Variants in PLAGL1 observed in about 807,000 individuals in gnomAD.
The protein encoded by PLAGL1 is zinc finger protein PLAGL1.
PLAGL1 carries 1 observed loss-of-function variant against 4.6 expected under a neutral mutation model. The ratio of observed to expected loss-of-function variants is 0.22; its 90% CI spans 0.08 to 1.03. PLAGL1 has a LOEUF of 1.03. PLAGL1 is among the 50% of genes least tolerant of loss of function. The pLI, the probability that PLAGL1 is intolerant of heterozygous loss-of-function variation, is 0.58. For missense variants in PLAGL1, 464 were observed against 570.4 expected (o/e 0.81, Z 1.90); for synonymous variants, 240 against 237.8 (o/e 1.01, Z -0.08).
In PLAGL1 at chr6:144,049,744, G is replaced by A. The variant is rs562195531; in HGVS notation, c.-151+14724C>T. Reference sequence around the variant, plus strand: ...TACAATTTCAAGATGAGATTTGGGTGGGGACACAAAGCCTAATTATGTCAC... The same window carrying A: ...TACAATTTCAAGATGAGATTTGGGTAGGGACACAAAGCCTAATTATGTCAC... On this transcript the variant is annotated intron_variant, in intron 1 of 3. Transcript: ENST00000437412. Among the ~76,000 whole-genome samples, 10 of 152,304 alleles carry A rather than the reference G, an allele frequency of 6.6e-5. No individual in the cohort carries two copies. In the South Asian group the frequency reaches 1.9e-3, roughly 28 times the overall value.
At chr6:143,988,892 A>G (rs1371811291) in intron 1 of PLAGL1, among the ~76,000 whole-genome samples, 1 of 152,084 alleles carries the variant, frequency 6.6e-6, no homozygotes, top group Non-Finnish European at 1.5e-5. Flanking sequence ...TTCAAATACC[A>G]TTTCATTAGG....
chr6:144,016,112 A>G lies in PLAGL1; in HGVS notation c.-150-47134T>C, dbSNP rs192677327. Among the ~76,000 whole-genome samples the G allele has an allele frequency of 1.0e-3, 151 of 151,482 alleles. 1 individual carries two copies. Among genetic ancestry groups the G allele is most frequent in the African/African-American group, 3.4e-3 (142 of 41,390 alleles). On this transcript the variant is annotated intron_variant, in intron 1 of 3. Coordinates refer to the PLAGL1 transcript ENST00000437412. The surrounding 1 kb of genome is among the most constrained non-coding windows in gnomAD (Gnocchi z 4.2). ...ACTAATAAGAGATATACATATGTGT[A>G]TATATATATATACACACACATATAC...
intron 1 of PLAGL1, among the ~76,000 whole-genome samples, chr6:144,003,543 G>A (rs1793424877): frequency 1.3e-5 from 2 of 149,796 alleles, no homozygotes; most frequent in Non-Finnish European, 3.0e-5. Context: ...AGAATGGCAT[G>A]AACCTGGGAG....
chr6:144,045,063 G>A (rs1042266014), intron 1 of PLAGL1, among the ~76,000 whole-genome samples: 1 of 81,830 alleles, frequency 1.2e-5, no homozygotes, highest in Non-Finnish European at 2.2e-5. Context: ...CCTTTATTTT[G>A]AGCCTATGTG....
rs1169416618 is a variant in PLAGL1 at position 143,945,112 on chromosome 6, C to T, written c.153-2449G>A. Among the ~76,000 whole-genome samples, 4 of 152,192 alleles carry T rather than the reference C, an allele frequency of 2.6e-5. No homozygotes were observed. Among genetic ancestry groups the T allele is most frequent in the African/African-American group, 2.4e-5 (1 of 41,452 alleles). ...CCTTGCCTGGCATCTACTTCTTTCC[C>T]TTTTAATTTATCCCTTACTTACTCA... On this transcript the variant is annotated intron_variant, in intron 7 of 7. Transcript: ENST00000674357. The surrounding 1 kb of genome is among the most constrained non-coding windows in gnomAD (Gnocchi z 4.2).
chr6:144,018,333 C>A (rs1052305940), intron 1 of PLAGL1, among the ~76,000 whole-genome samples: 3 of 152,026 alleles, frequency 2.0e-5, no homozygotes, highest in Non-Finnish European at 4.4e-5. Flanking sequence ...AAGTGAAACT[C>A]ATAGAAGTAG....
rs953718701 is a variant in PLAGL1 at position 144,063,859 on chromosome 6, C to T, written c.-151+609G>A. ...CTCTCGAAATTATCCCGCGCGCCGC[C>T]GGTAATCCGGGGTGACGCCACGGCC... is the stretch of plus-strand genomic sequence containing the variant. On this transcript the variant is annotated intron_variant, in intron 1 of 3. Transcript: ENST00000437412. This position sits in a 1 kb window ranked among gnomAD's most constrained non-coding sequence, Gnocchi z 5.7. Among the ~76,000 whole-genome samples, 3 of 152,164 alleles carry T rather than the reference C, an allele frequency of 2.0e-5. No homozygotes were observed. The highest frequency in any genetic ancestry group is 7.2e-5 in the African/African-American group (3 of 41,440).
In PLAGL1 at chr6:143,978,106, T is replaced by C. The variant is rs1165147221; in HGVS notation, c.-544+7029A>G. ...CCTGGCTAGAGATTTATCATTTTACTGATCTTTTCAAAGAACCAGCTTTTT... is the reference window on the plus strand; with the variant it reads ...CCTGGCTAGAGATTTATCATTTTACCGATCTTTTCAAAGAACCAGCTTTTT... On this transcript the variant is annotated intron_variant, in intron 2 of 7. Coordinates refer to ENST00000674357, the MANE Select transcript of PLAGL1 (RefSeq NM_001317162.2). The surrounding 1 kb of genome is among the most constrained non-coding windows in gnomAD (Gnocchi z 4.6). Among the ~76,000 whole-genome samples the C allele has an allele frequency of 6.6e-6, 1 of 152,230 alleles. No homozygotes were observed. The highest frequency in any genetic ancestry group is 2.4e-5 in the African/African-American group (1 of 41,456).
At position 143,941,897 on chromosome 6, in the gene PLAGL1, A is replaced by G. The variant is rs1206995814; in HGVS notation, c.919T>C (p.Ser307Pro). ...CTTGCAAGTGGGGAGTATGAGGTAG[A>G]AGTGGTGTTGTACTTGTGATTGGGA... ...PLPNHKYNTT[S>P]TSYSPLASLP... Residue 307 changes from serine to proline, a missense_variant, in exon 8 of 8, where the codon TCT becomes CCT. Ser to Pro is a moderately conservative substitution (Grantham distance 74, BLOSUM62 -1). Coordinates refer to ENST00000674357, the MANE Select transcript of PLAGL1 (RefSeq NM_001317162.2). The surrounding 1 kb of genome is among the most constrained non-coding windows in gnomAD (Gnocchi z 6.0). 3 of 1,613,868 alleles carry G rather than the reference A, an allele frequency of 1.9e-6. No individual in the cohort carries two copies.
chr6:143,952,362 G>C lies in PLAGL1; in HGVS notation c.-324-3902C>G, dbSNP rs1036664898. On this transcript the variant is annotated intron_variant, in intron 6 of 7. Transcript: ENST00000674357. This position sits in a 1 kb window ranked among gnomAD's most constrained non-coding sequence, Gnocchi z 6.1. ...GTGACTTGACATAGAAATTGCATTT[G>C]AGTCTTAAATACGGTGCTATTTCAA... Among the ~76,000 whole-genome samples the C allele has an allele frequency of 6.6e-6, 1 of 152,188 alleles. No homozygotes were observed. The highest frequency in any genetic ancestry group is 2.4e-5 in the African/African-American group (1 of 41,430).
In PLAGL1 at chr6:143,985,566, A is replaced by G. The variant is rs1788827443; in HGVS notation, c.-583-392T>C. ...GACCCATTGCACATCTATTTTTAACACTAAAATAATAACAGCCATTTACAA... is the reference window on the plus strand; with the variant it reads ...GACCCATTGCACATCTATTTTTAACGCTAAAATAATAACAGCCATTTACAA... On this transcript the variant is annotated intron_variant, in intron 1 of 7. Coordinates refer to ENST00000674357, the MANE Select transcript of PLAGL1 (RefSeq NM_001317162.2). The surrounding 1 kb of genome is among the most constrained non-coding windows in gnomAD (Gnocchi z 4.4). 6.6e-6 allele frequency among the ~76,000 whole-genome samples: 1 copy of G among 152,148 alleles called. No individual in the cohort carries two copies. Among genetic ancestry groups the G allele is most frequent in the African/African-American group, 2.4e-5 (1 of 41,434 alleles).
chr6:143,946,478 C>T (rs895771792), intron 7 of PLAGL1, among the ~76,000 whole-genome samples: 2 of 152,216 alleles, frequency 1.3e-5, no homozygotes, highest in African/African-American at 4.8e-5. Flanking sequence ...GATCAGCATT[C>T]AATACTTCTA....
intron 1 of PLAGL1, among the ~76,000 whole-genome samples, chr6:143,991,488 C>T (rs150341605): frequency 9.9e-5 from 15 of 152,158 alleles, no homozygotes; most frequent in Non-Finnish European, 2.2e-4. Flanking sequence ...GCATGAGGTG[C>T]GGAACAGAGT....
At position 144,050,805 on chromosome 6, in the gene PLAGL1, C is replaced by T. The variant is rs1007854349; in HGVS notation, c.-151+13663G>A. On this transcript the variant is annotated intron_variant, in intron 1 of 3. Transcript: ENST00000437412. This position sits in a 1 kb window ranked among gnomAD's most constrained non-coding sequence, Gnocchi z 4.3. Reference sequence around the variant, plus strand: ...CCAGCTACTCAAGAGGCTGAGGTGGCAGGATCACTTGAGTCTGTGAGTTTC... The same window carrying T: ...CCAGCTACTCAAGAGGCTGAGGTGGTAGGATCACTTGAGTCTGTGAGTTTC... Among the ~76,000 whole-genome samples, 20 of 152,236 alleles carry T rather than the reference C, an allele frequency of 1.3e-4. No homozygotes were observed. Among genetic ancestry groups the T allele is most frequent in the Admixed American group, 1.3e-3 (20 of 15,282 alleles).
upstream of PLAGL1, among the ~76,000 whole-genome samples, chr6:144,011,844 A>T (rs184139352): frequency 6.6e-6 from 1 of 152,292 alleles, no homozygotes; most frequent in Non-Finnish European, 1.5e-5. The surrounding 1 kb of genome is among the most constrained non-coding windows in gnomAD (Gnocchi z 4.3). Context: ...TCAGAGTTTC[A>T]GTTCATTTGC....
chr6:143,973,951 G>A lies in PLAGL1; in HGVS notation c.-543-4973C>T, dbSNP rs969402339. On this transcript the variant is annotated intron_variant, in intron 2 of 7. Transcript: ENST00000674357. This position sits in a 1 kb window ranked among gnomAD's most constrained non-coding sequence, Gnocchi z 6.2. ...CAAAAGTGTGAACAGAGATATAACA[G>A]GTTTTTTTGGATCCAGGTAATCACC... Among the ~76,000 whole-genome samples the A allele has an allele frequency of 2.6e-5, 4 of 152,198 alleles. No individual in the cohort carries two copies. The highest frequency in any genetic ancestry group is 5.9e-5 in the Non-Finnish European group (4 of 68,028).
At position 144,000,483 on chromosome 6, in the gene PLAGL1, C is replaced by G. The variant is rs1485888243; in HGVS notation, c.-584+7607G>C. On this transcript the variant is annotated intron_variant, in intron 1 of 7. Transcript: ENST00000674357. The surrounding 1 kb of genome is among the most constrained non-coding windows in gnomAD (Gnocchi z 4.1). ...AGAAATAAATGTAACAAAATATGTA[C>G]AAGTCCTTTATTTATATCATATCAT... Among the ~76,000 whole-genome samples the G allele has an allele frequency of 6.6e-6, 1 of 151,984 alleles. No individual in the cohort carries two copies. Among genetic ancestry groups the G allele is most frequent in the Non-Finnish European group, 1.5e-5 (1 of 67,934 alleles).
At position 143,979,853 on chromosome 6, in the gene PLAGL1, A is replaced by G. The variant is rs1787519909; in HGVS notation, c.-544+5282T>C. On this transcript the variant is annotated intron_variant, in intron 2 of 7. Coordinates refer to ENST00000674357, the MANE Select transcript of PLAGL1 (RefSeq NM_001317162.2). The surrounding 1 kb of genome is among the most constrained non-coding windows in gnomAD (Gnocchi z 4.6). ...TTTAAAAAAAAAGATTTCCTTTAGT[A>G]TTTCTTACACTGTGGGTCTACTGGT... 6.6e-6 allele frequency among the ~76,000 whole-genome samples: 1 copy of G among 152,032 alleles called. No homozygotes were observed. Among genetic ancestry groups the G allele is most frequent in the African/African-American group, 2.4e-5 (1 of 41,420 alleles).
Position 143,985,608 on chromosome 6 carries a change from T to G in PLAGL1, c.-583-434A>C, listed in dbSNP as rs1248083910. On this transcript the variant is annotated intron_variant, in intron 1 of 7. Coordinates refer to ENST00000674357, the MANE Select transcript of PLAGL1 (RefSeq NM_001317162.2). The surrounding 1 kb of genome is among the most constrained non-coding windows in gnomAD (Gnocchi z 4.4). ...CATTTACAAAAAGTATTTCATTCCT[T>G]GTCCATAGTTCTATGTCTACTACTA... is the stretch of plus-strand genomic sequence containing the variant. Among the ~76,000 whole-genome samples, 1 of 152,152 alleles carries G rather than the reference T, an allele frequency of 6.6e-6. No individual in the cohort carries two copies. Among genetic ancestry groups the G allele is most frequent in the Non-Finnish European group, 1.5e-5 (1 of 68,012 alleles).
Sources: gnomAD v4.1 joint callset for allele counts (sites outside exome capture counted in the v4.1 genomes callset) on GRCh38, gnomAD v4.1.1 for gene constraint, Gnocchi (gnomAD v3.1) non-coding constraint, MANE v1.5 for transcripts, NCBI Gene and HGNC (gene_info 2026-07-23, HGNC 2026-07-21) for gene names.